The following MLLT10 variants were observed in gnomAD, a reference collection of about 807,000 sequenced individuals.
The protein encoded by MLLT10 is protein AF-10.
In MLLT10, 30 loss-of-function variants were observed where a neutral mutation model predicts 129.1. The ratio of observed to expected loss-of-function variants is 0.23; its 90% CI spans 0.17 to 0.32. The LOEUF (loss-of-function observed/expected upper bound fraction) is 0.32. MLLT10 is among the 10% of genes least tolerant of loss of function. MLLT10 has a pLI of 1.00. For missense variants in MLLT10, 1,119 were observed against 1,268.3 expected, an observed-to-expected ratio of 0.88 and a Z score of 1.79; for synonymous variants, 490 against 446.4, an observed-to-expected ratio of 1.10 and a Z score of -1.23.
chr10:21,571,309 C>T lies in MLLT10; in HGVS notation c.241-14985C>T, dbSNP rs540675727. 1.8e-4 allele frequency among the ~76,000 whole-genome samples: 27 copies of T among 152,190 alleles called. No individual in the cohort carries two copies. The South Asian group carries it at 5.6e-3, about 32-fold the overall frequency. ...AGTTCTAGGGTGAGCCTTTGTAGATCTCTTCATTTCTCTCTCTCTCTCCAG... is the reference window on the plus strand; with the variant it reads ...AGTTCTAGGGTGAGCCTTTGTAGATTTCTTCATTTCTCTCTCTCTCTCCAG... On this transcript the variant is annotated intron_variant, in intron 3 of 22. Transcript: ENST00000307729.
chr10:21,677,918 A>T (rs950982011), intron 11 of MLLT10, among the ~76,000 whole-genome samples: 2 of 152,170 alleles, frequency 1.3e-5, no homozygotes, highest in African/African-American at 4.8e-5. Flanking sequence ...CTGTATCCCC[A>T]CTGCCAGCAC....
chr10:21,599,453 A>G (rs2043315622), intron 5 of MLLT10, among the ~76,000 whole-genome samples: 1 of 152,224 alleles, frequency 6.6e-6, no homozygotes, highest in Non-Finnish European at 1.5e-5. Context: ...TGAACTCCAT[A>G]TGCTCATGGT....
intron 2 of MLLT10, among the ~76,000 whole-genome samples, chr10:21,536,632 G>A (rs894499030): frequency 2.0e-5 from 3 of 152,010 alleles, no homozygotes; most frequent in Non-Finnish European, 2.9e-5. Flanking sequence ...TGGCATGCAG[G>A]GTGCTATTAC....
intron 13 of MLLT10, among the ~76,000 whole-genome samples, chr10:21,695,483 A>G (rs2054275655): frequency 6.6e-6 from 1 of 152,192 alleles, no homozygotes; most frequent in Non-Finnish European, 1.5e-5. Flanking sequence ...CTACCACTAC[A>G]AGATACTCTG....
At chr10:21,612,022 G>A (rs1365620401) in intron 5 of MLLT10, among the ~76,000 whole-genome samples, 1 of 152,196 alleles carries the variant, frequency 6.6e-6, no homozygotes, top group Non-Finnish European at 1.5e-5. Context: ...TGATGACAAG[G>A]TGTTGGGAAG....
intron 3 of MLLT10, among the ~76,000 whole-genome samples, chr10:21,563,956 G>C (rs978332225): frequency 6.6e-6 from 1 of 151,928 alleles, no homozygotes; most frequent in African/African-American, 2.4e-5. Context: ...GGGACTACAG[G>C]CTCCTGCCAC....
chr10:21,580,246 C>T (rs746185733), intron 3 of MLLT10, among the ~76,000 whole-genome samples: 2 of 151,790 alleles, frequency 1.3e-5, no homozygotes, highest in African/African-American at 2.4e-5. Context: ...GGTTTATCTT[C>T]AGTGGGCAGA....
chr10:21,722,845 G>A (rs998813957), intron 14 of MLLT10, among the ~76,000 whole-genome samples: 2 of 152,106 alleles, frequency 1.3e-5, no homozygotes, highest in Admixed American at 1.3e-4. Context: ...GTAGTCTTTG[G>A]TATCTCATCT....
intron 9 of MLLT10, among the ~76,000 whole-genome samples, chr10:21,668,194 G>A (rs935369027): frequency 1.3e-5 from 2 of 152,122 alleles, no homozygotes; most frequent in African/African-American, 2.4e-5. Context: ...GCAGTGAGAT[G>A]TTCATACTAT....
At chr10:21,723,408 G>C (rs917292585) in intron 14 of MLLT10, among the ~76,000 whole-genome samples, 2 of 152,158 alleles carry the variant, frequency 1.3e-5, no homozygotes, top group Non-Finnish European at 2.9e-5. Flanking sequence ...TGGATCTTTG[G>C]ATTCTTATCT....
chr10:21,628,740 CTTTTTT>C (rs1161362725), intron 8 of MLLT10, among the ~76,000 whole-genome samples: 3 of 99,352 alleles, frequency 3.0e-5, no homozygotes, highest in South Asian at 6.2e-4. Context: ...TGTGCCCTGC[CTTTTTT>C]TTTTTTTTTT....
intron 2 of MLLT10, among the ~76,000 whole-genome samples, chr10:21,536,147 G>T (rs1332360705): frequency 2.0e-5 from 3 of 152,166 alleles, no homozygotes; most frequent in African/African-American, 4.8e-5. Flanking sequence ...CGCCATGTTG[G>T]CCAGGCTGGT....
At chr10:21,534,908 CGCGGGAGGGACGCGGAGGGTCCGCGGCG>C in intron 2 of MLLT10, 104 bp downstream of exon 2, 1 of 837,074 alleles carries the variant, frequency 1.2e-6, no homozygotes, top group South Asian at 5.3e-5. Context: ...GTGCCGCGGC[CGCGGGAGGGACGCGGAGGGTCCGCGGCG>C]GGGCGCGGGG....
chr10:21,741,996 A>C lies in MLLT10; in HGVS notation c.*13A>C. On this transcript the variant is annotated 3_prime_UTR_variant, in exon 23 of 23. Transcript: ENST00000307729. The stretch of plus-strand genomic sequence containing the variant: ...AGAGAAAAGTTGACACCTGAGAAAC[A>C]TCTAGAAATTGCCTATCCTGCTGTT... The C allele has an allele frequency of 1.2e-6, 2 of 1,611,962 alleles. No homozygotes were observed. Among genetic ancestry groups the C allele is most frequent in the East Asian group, 2.2e-5 (1 of 44,838 alleles).
intron 8 of MLLT10, among the ~76,000 whole-genome samples, chr10:21,622,824 G>T (rs575440599): frequency 3.9e-4 from 59 of 152,096 alleles, no homozygotes; most frequent in African/African-American, 1.4e-3. Flanking sequence ...ATAGATACTG[G>T]GTCCCACGAG....
intron 5 of MLLT10, among the ~76,000 whole-genome samples, chr10:21,596,548 T>C (rs1301759692): frequency 6.6e-6 from 1 of 152,102 alleles, no homozygotes; most frequent in African/African-American, 2.4e-5. Flanking sequence ...AGTTACACTG[T>C]ATTAGCTATA....
intron 5 of MLLT10, among the ~76,000 whole-genome samples, chr10:21,600,256 T>C (rs1016494286): frequency 6.6e-6 from 1 of 152,172 alleles, no homozygotes; most frequent in South Asian, 2.1e-4. Context: ...TTTATTTTTC[T>C]AGATGAACAT....
chr10:21,722,683 G>A (rs1188113066), intron 14 of MLLT10, among the ~76,000 whole-genome samples: 2 of 152,158 alleles, frequency 1.3e-5, no homozygotes, highest in African/African-American at 2.4e-5. Flanking sequence ...TGCATCTTCA[G>A]TGCTAATAAG....
At chr10:21,727,775 T>C (rs2057634986) in intron 15 of MLLT10, 81 bp from the exon 16 acceptor site, 1 of 1,062,306 alleles carries the variant, frequency 9.4e-7, no homozygotes, top group Non-Finnish European at 1.4e-6. Context: ...AATGTATGTT[T>C]TAGGAAAAAT....
Sources: gnomAD v4.1 joint callset for allele counts (sites outside exome capture counted in the v4.1 genomes callset) on GRCh38, gnomAD v4.1.1 for gene constraint, MANE v1.5 for transcripts, NCBI Gene and HGNC (gene_info 2026-07-23, HGNC 2026-07-21) for gene names.